The following CERS6 variants were observed in gnomAD, a reference collection of about 807,000 sequenced individuals.
CERS6 encodes the protein LAG1 homolog, ceramide synthase 6.
CERS6 carries 26 observed loss-of-function variants against 56.8 expected under a neutral mutation model. That is an observed-to-expected ratio of 0.46 (90% CI 0.34 to 0.63). The LOEUF is 0.63. Among genes scored for constraint, CERS6 ranks in the 30% least tolerant of loss-of-function variants. The pLI is 0.01. For missense variants in CERS6, 415 were observed against 467.5 expected (o/e 0.89, Z 1.04); for synonymous variants, 164 against 173.3 (o/e 0.95, Z 0.42).
At chr2:168,544,728 G>A (rs1375959594) in intron 1 of CERS6, among the ~76,000 whole-genome samples, 1 of 152,156 alleles carries the variant, frequency 6.6e-6, no homozygotes, top group Non-Finnish European at 1.5e-5. Flanking sequence ...GTCCACATGG[G>A]ACCCTCTGCT....
At chr2:168,677,613 T>G (rs527419785) in intron 4 of CERS6, among the ~76,000 whole-genome samples, 171 of 152,268 alleles carry the variant, frequency 1.1e-3, no homozygotes, top group African/African-American at 3.8e-3. Flanking sequence ...TTCTCCTACC[T>G]CAGCCTCCCG....
chr2:168,576,343 C>T (rs1245289169), intron 3 of CERS6, among the ~76,000 whole-genome samples: 1 of 152,094 alleles, frequency 6.6e-6, no homozygotes, highest in African/African-American at 2.4e-5. Flanking sequence ...AACCCAGCAC[C>T]TAGGACTGAT....
At chr2:168,747,051 T>C (rs901771268) in intron 8 of CERS6, among the ~76,000 whole-genome samples, 9 of 151,538 alleles carry the variant, frequency 5.9e-5, no homozygotes, top group African/African-American at 1.9e-4. Context: ...TAAAGGAAAA[T>C]TGGAGATTAT....
intron 6 of CERS6, among the ~76,000 whole-genome samples, chr2:168,710,520 A>G (rs917884135): frequency 2.0e-5 from 3 of 152,228 alleles, no homozygotes; most frequent in African/African-American, 7.2e-5. Context: ...ACAGTTTAAA[A>G]TATTAGTTGA....
chr2:168,515,108 A>T (rs1260250129), intron 1 of CERS6, among the ~76,000 whole-genome samples: 1 of 152,260 alleles, frequency 6.6e-6, no homozygotes, highest in Non-Finnish European at 1.5e-5. Flanking sequence ...AGTATTTTAG[A>T]CTTTCTCCTT....
intron 8 of CERS6, among the ~76,000 whole-genome samples, chr2:168,737,568 A>G (rs1411269238): frequency 6.6e-6 from 1 of 152,226 alleles, no homozygotes; most frequent in Non-Finnish European, 1.5e-5. Context: ...GAAATTACCC[A>G]TGCTTATGAC....
At chr2:168,513,075 A>G (rs1248550950) in intron 1 of CERS6, among the ~76,000 whole-genome samples, 1 of 152,166 alleles carries the variant, frequency 6.6e-6, no homozygotes, top group Non-Finnish European at 1.5e-5. Context: ...GTTACCCTGT[A>G]TATTTGAGAT....
At chr2:168,660,340 C>A (rs1397746689) in intron 4 of CERS6, among the ~76,000 whole-genome samples, 1 of 152,198 alleles carries the variant, frequency 6.6e-6, no homozygotes, top group African/African-American at 2.4e-5. Context: ...GTTTACCATG[C>A]CATGCCTAGC....
chr2:168,469,495 G>T (rs1693939359), intron 1 of CERS6, among the ~76,000 whole-genome samples: 1 of 152,046 alleles, frequency 6.6e-6, no homozygotes, highest in Non-Finnish European at 1.5e-5. Flanking sequence ...ATCATTTAGG[G>T]TCATAGACTT....
intron 1 of CERS6, among the ~76,000 whole-genome samples, chr2:168,507,570 A>C (rs570597423): frequency 1.3e-5 from 2 of 152,176 alleles, no homozygotes; most frequent in South Asian, 4.2e-4. Flanking sequence ...GGTGGTGATA[A>C]TCTGGATCAC....
intron 3 of CERS6, among the ~76,000 whole-genome samples, chr2:168,596,555 C>CCTTTTTTTTTTTTT (rs766580344): frequency 8.7e-6 from 1 of 114,836 alleles, no homozygotes. Context: ...ATCCCCCCCC[C>CCTTTTTTTTTTTTT]TTTTTTTTTT....
chr2:168,747,891 TATC>T (rs1684154668), intron 8 of CERS6, among the ~76,000 whole-genome samples: 1 of 152,314 alleles, frequency 6.6e-6, no homozygotes, highest in African/African-American at 2.4e-5. Flanking sequence ...AGGCTGCAGA[TATC>T]ATGACAGTTC....
intron 8 of CERS6, among the ~76,000 whole-genome samples, chr2:168,762,108 C>T (rs1684598657): frequency 6.6e-6 from 1 of 151,924 alleles, no homozygotes; most frequent in African/African-American, 2.4e-5. Context: ...ACCACCATGG[C>T]ACATGTATAC....
At chr2:168,490,351 T>C in intron 1 of CERS6, among the ~76,000 whole-genome samples, 1 of 151,942 alleles carries the variant, frequency 6.6e-6, no homozygotes, top group Non-Finnish European at 1.5e-5. Context: ...TCCTGGAGTA[T>C]GAGTGGCTCA....
chr2:168,694,035 A>G (rs931076418), intron 5 of CERS6, among the ~76,000 whole-genome samples: 3 of 152,204 alleles, frequency 2.0e-5, no homozygotes, highest in Non-Finnish European at 1.5e-5. Flanking sequence ...AATTATATTT[A>G]CCATATATGG....
chr2:168,485,575 A>T (rs1301263444), intron 1 of CERS6, among the ~76,000 whole-genome samples: 6 of 152,120 alleles, frequency 3.9e-5, no homozygotes, highest in Admixed American at 3.9e-4. Flanking sequence ...CTTTTCCAGA[A>T]TTTCATTTAG....
chr2:168,656,847 C>T (rs1301893614), intron 4 of CERS6, among the ~76,000 whole-genome samples: 23 of 151,908 alleles, frequency 1.5e-4, no homozygotes, highest in South Asian at 1.0e-3. Context: ...TTTGTCAGGG[C>T]GCTGATTGGT....
At chr2:168,501,771 G>A (rs760530568) in intron 1 of CERS6, among the ~76,000 whole-genome samples, 10 of 152,134 alleles carry the variant, frequency 6.6e-5, no homozygotes, top group Non-Finnish European at 1.2e-4. Context: ...TGTAGAATGG[G>A]CCAGATTTTT....
intron 1 of CERS6, among the ~76,000 whole-genome samples, chr2:168,474,730 T>C (rs1694038304): frequency 6.6e-6 from 1 of 152,216 alleles, no homozygotes; most frequent in African/African-American, 2.4e-5. Context: ...CAACATCTAT[T>C]GCAAACATTT....
Sources: allele counts gnomAD v4.1 joint callset (sites outside exome capture counted in the v4.1 genomes callset), GRCh38; gene constraint gnomAD v4.1.1; transcripts MANE v1.5; gene names NCBI Gene and HGNC (gene_info 2026-07-23, HGNC 2026-07-21).